Variants in ATG13 observed in about 807,000 individuals in gnomAD.
ATG13 encodes autophagy related 13.
A neutral mutation model predicts 65.5 loss-of-function variants in ATG13; 23 were observed. The observed-to-expected ratio is 0.35, with a 90% CI of 0.25 to 0.50. The LOEUF is 0.50. ATG13 is among the 20% of genes least tolerant of loss of function. ATG13 has a pLI of 0.98. For synonymous variants in ATG13, 252 were observed against 245.2 expected (o/e 1.03, Z -0.26); for missense variants, 566 against 677.0 (o/e 0.84, Z 1.82).
Position 46,650,444 on chromosome 11 carries a change from C to T in ATG13, c.458+127C>T, listed in dbSNP as rs1329106487. The T allele has an allele frequency of 1.3e-5, 17 of 1,283,394 alleles. 1 individual carries two copies. In the East Asian group the frequency reaches 1.4e-4, roughly 11 times the overall value. 79.5% of individuals were successfully genotyped at this position (1,283,394 alleles called of 1,614,324 possible). ...TGGTTTGTTGGATTATTGATGCTGT[C>T]GCTTTCATGTGATCACTATCCAGCC... On this transcript the variant is annotated intron_variant, in intron 7 of 18. Coordinates refer to ENST00000683050, the MANE Select transcript of ATG13 (RefSeq NM_001346311.2).
intron 7 of ATG13, among the ~76,000 whole-genome samples, chr11:46,652,045 C>G (rs544534254): frequency 6.6e-6 from 1 of 151,852 alleles, no homozygotes; most frequent in Non-Finnish European, 1.5e-5. Flanking sequence ...GTTAGGAGTT[C>G]GAGACAAGCC....
At chr11:46,672,174 C>A in intron 18 of ATG13, 81 bp from the exon 19 acceptor site, 5 of 1,602,044 alleles carry the variant, frequency 3.1e-6, no homozygotes, top group Non-Finnish European at 4.3e-6. Context: ...TTGCTTGCTG[C>A]CTCCCCTCTT....
At chr11:46,618,194 T>A in intron 1 of ATG13, 1 of 296,510 alleles carries the variant, frequency 3.4e-6, no homozygotes, top group Non-Finnish European at 6.2e-6. Flanking sequence ...TGGGTGCCAA[T>A]ATGAGTGAGG....
chr11:46,622,078 T>C (rs1264295477), intron 1 of ATG13, among the ~76,000 whole-genome samples: 8 of 2,262 alleles, frequency 3.5e-3, no homozygotes, highest in African/African-American at 0.028. Context: ...TTTATTTACA[T>C]ATATATATAT....
chr11:46,638,428 ACT>A (rs933520981), intron 2 of ATG13: 1 of 152,106 alleles, frequency 6.6e-6, no homozygotes, highest in African/African-American at 2.4e-5. Context: ...ACAGAGTGAG[ACT>A]CTGTCTCAAA....
intron 16 of ATG13, 76 bp from the exon 17 acceptor site, chr11:46,668,718 A>T: frequency 1.3e-6 from 2 of 1,503,314 alleles, no homozygotes; most frequent in Non-Finnish European, 1.8e-6. Context: ...AGTTCTTCCC[A>T]GAATTTTCAG....
In ATG13 at chr11:46,672,977, C is replaced by T; in HGVS notation, c.*645C>T. The T allele has an allele frequency of 2.8e-6, 1 of 360,556 alleles. No homozygotes were observed. The allele number at this position is 360,556 out of a possible 1,614,324, so 22.3% of individuals were successfully genotyped here. On this transcript the variant is annotated 3_prime_UTR_variant, in exon 19 of 19. Coordinates refer to ENST00000683050, the MANE Select transcript of ATG13 (RefSeq NM_001346311.2). ...TGAAGGTCGGGAGGGTCTGAGCAGC[C>T]CTGGTGGCTGCCTGTGCTCAGGTCC...
intron 5 of ATG13, 61 bp downstream of exon 5, chr11:46,646,050 C>G: frequency 6.3e-7 from 1 of 1,598,072 alleles, no homozygotes; most frequent in Middle Eastern, 1.7e-4. Context: ...CACTCTGAGT[C>G]CAGTTCATTT....
Position 46,659,485 on chromosome 11 carries a change from G to A in ATG13, c.789G>A (p.Gln263=). ...TTSFSTSPPS[Q]CVFTVTKAHF... ...CTTTTTCCACCTCCCCACCATCCCA[G>A]GTAGGGGGAAGCAGGTTCTGGGGTG... The change falls in exon 11 of 19, where the codon CAG becomes CAA. Residue 263 remains glutamine (Q), a splice_region_variant and synonymous_variant. Coordinates refer to ENST00000683050, the MANE Select transcript of ATG13 (RefSeq NM_001346311.2). 6.2e-7 allele frequency: 1 copy of A among 1,611,652 alleles called. No individual in the cohort carries two copies. The highest frequency in any genetic ancestry group is 8.5e-7 in the Non-Finnish European group (1 of 1,177,724).
At chr11:46,646,655 G>T (rs973102444) in intron 5 of ATG13, among the ~76,000 whole-genome samples, 1 of 151,910 alleles carries the variant, frequency 6.6e-6, no homozygotes, top group East Asian at 1.9e-4. Context: ...GTAGAGACAG[G>T]GTTTTGCTAT....
intron 14 of ATG13, 115 bp downstream of exon 14, chr11:46,665,634 G>A: frequency 7.2e-7 from 1 of 1,380,842 alleles, no homozygotes. Flanking sequence ...GCTGGGACAT[G>A]GCATTTGAGC....
At chr11:46,646,018 A>T in intron 5 of ATG13, 29 bp downstream of exon 5, 1 of 1,613,578 alleles carries the variant, frequency 6.2e-7, no homozygotes, top group South Asian at 1.1e-5. Context: ...TGGTGTCTTC[A>T]TTTAGCACTG....
rs753647489 is a variant in ATG13 at position 46,657,562 on chromosome 11, T to C, written c.635T>C (p.Ile212Thr). The C allele has an allele frequency of 6.8e-6, 11 of 1,614,092 alleles. No individual in the cohort carries two copies. Among genetic ancestry groups the C allele is most frequent in the Middle Eastern group, 1.7e-4 (1 of 6,060 alleles). The change falls in exon 10 of 19, where the codon ATT becomes ACT. Residue 212 changes from isoleucine to threonine, a missense_variant. By Grantham distance (89) the Ile-to-Thr change is moderately conservative. This residue lies in a region of ATG13 where 179 missense variants were observed against 267.2 expected (regional missense o/e 0.67). Transcript: ENST00000683050. ...ACCCCACCTATCATGGGGATTATTA[T>C]TGATCACTTTGTGGACCGTCCCTAT... ...ERTPPIMGII[I>T]DHFVDRPYPS...
intron 2 of ATG13, among the ~76,000 whole-genome samples, chr11:46,634,701 TTTTG>T (rs979104592): frequency 3.3e-5 from 5 of 151,470 alleles, no homozygotes; most frequent in Admixed American, 2.0e-4. Flanking sequence ...AGCCTAGTTT[TTTTG>T]TTTGTTTGTT....
rs746642470 is a variant in ATG13, at chr11:46,619,372, C to CTTTTT, written c.-70+1507_-70+1511dup. Among the ~76,000 whole-genome samples, 315 of 35,324 alleles carry CTTTTT rather than the reference C, an allele frequency of 8.9e-3. 70 individuals carry two copies. Among genetic ancestry groups the CTTTTT allele is most frequent in the African/African-American group, 0.012 (93 of 7,972 alleles). The allele number at this position is 35,324 out of a possible 152,430, so 23.2% of individuals were successfully genotyped here. A position where few individuals can be genotyped will look rare whatever the true frequency, so the allele number is the denominator to read the frequency against. Reference sequence around the variant, plus strand: ...ATGTCCTTGGAAGGTAGATTTCTTGCTTTTTTTTTTTTTTTTTTTTTTTTT... The same window carrying CTTTTT: ...ATGTCCTTGGAAGGTAGATTTCTTGCTTTTTTTTTTTTTTTTTTTTTTTTTTTTTT... On this transcript the variant is annotated intron_variant, in intron 1 of 18. Coordinates refer to ENST00000683050, the MANE Select transcript of ATG13 (RefSeq NM_001346311.2).
intron 5 of ATG13, among the ~76,000 whole-genome samples, chr11:46,646,449 G>A (rs1288811915): frequency 2.1e-5 from 2 of 96,516 alleles, no homozygotes; most frequent in Non-Finnish European, 5.3e-5. Flanking sequence ...CACCCACCCT[G>A]TTTTTTGTTT....
rs932251213 is a variant in ATG13, at chr11:46,663,004, A to G, written c.790-993A>G. Among the ~76,000 whole-genome samples the G allele has an allele frequency of 2.6e-5, 4 of 152,084 alleles. No individual in the cohort carries two copies. In the East Asian group the frequency reaches 5.8e-4, roughly 22 times the overall value. ...GAACAGTCCAGGCGCGGTGGCTCACACCTGTAATCCCAGCACTTTGGGAGG... is the reference window on the plus strand; with the variant it reads ...GAACAGTCCAGGCGCGGTGGCTCACGCCTGTAATCCCAGCACTTTGGGAGG... On this transcript the variant is annotated intron_variant, in intron 11 of 18. Transcript: ENST00000683050.
Position 46,672,537 on chromosome 11 carries a change from A to G in ATG13, c.*205A>G. 13 of 1,456,366 alleles carry G rather than the reference A, an allele frequency of 8.9e-6. No individual in the cohort carries two copies. The highest frequency in any genetic ancestry group is 1.0e-5 in the Non-Finnish European group (11 of 1,104,026). 90.2% of individuals were successfully genotyped at this position (1,456,366 alleles called of 1,614,324 possible). ...GTCAAGCCCAGTGCCCAGTTGGAGA[A>G]GACTCACGTGCTGGCCTTGGAGATG... On this transcript the variant is annotated 3_prime_UTR_variant, in exon 19 of 19. Transcript: ENST00000683050.
rs137964134 is a variant in ATG13 at position 46,650,892 on chromosome 11, C to T, written c.458+575C>T. Among the ~76,000 whole-genome samples, 380 of 152,278 alleles carry T rather than the reference C, an allele frequency of 2.5e-3. 1 individual carries two copies. Among genetic ancestry groups the T allele is most frequent in the East Asian group, 6.0e-3 (31 of 5,188 alleles). ...GTGCTGGGATTATAGGTGTGAGCCA[C>T]GGCACCCGGCCTGGAAGTCAAGACT... On this transcript the variant is annotated intron_variant, in intron 7 of 18. Transcript: ENST00000683050.
Sources: gnomAD v4.1 joint callset for allele counts (sites outside exome capture counted in the v4.1 genomes callset) on GRCh38, gnomAD v4.1.1 for gene constraint, gnomAD v4.1.1 regional missense constraint, MANE v1.5 for transcripts, NCBI Gene and HGNC (gene_info 2026-07-23, HGNC 2026-07-21) for gene names.